The following RPH3AL variants were observed in gnomAD, a reference collection of about 807,000 sequenced individuals.
The protein encoded by RPH3AL is rab effector Noc2.
In RPH3AL, 38 loss-of-function variants were observed where a neutral mutation model predicts 43.1. The ratio of observed to expected loss-of-function variants is 0.88; its 90% CI spans 0.68 to 1.15. The LOEUF (loss-of-function observed/expected upper bound fraction) is 1.15, where lower values mean the gene tolerates loss of function less well. Ranked by LOEUF, RPH3AL falls within the 50% of genes most tolerant of loss-of-function variation. RPH3AL has a pLI of 0.00. For missense variants in RPH3AL, 462 were observed against 423.2 expected (o/e 1.09, Z -0.81); for synonymous variants, 189 against 176.3 (o/e 1.07, Z -0.57).
At chr17:317,866 C>G (rs1475958575) in intron 5 of RPH3AL, among the ~76,000 whole-genome samples, 1 of 152,154 alleles carries the variant, frequency 6.6e-6, no homozygotes, top group Non-Finnish European at 1.5e-5. Flanking sequence ...TTTCTTTTGA[C>G]TTCTCCATCT....
intron 5 of RPH3AL, among the ~76,000 whole-genome samples, chr17:286,507 T>C (rs2042916352): frequency 6.6e-6 from 1 of 152,184 alleles, no homozygotes; most frequent in South Asian, 2.1e-4. Flanking sequence ...AAATAACACA[T>C]AATTGCTGCT....
At chr17:254,547 G>A (rs1217149624) in intron 6 of RPH3AL, among the ~76,000 whole-genome samples, 1 of 8,196 alleles carries the variant, frequency 1.2e-4, no homozygotes, top group Non-Finnish European at 2.0e-4. Flanking sequence ...CCCTAGGAAT[G>A]TGACTACCCA....
At chr17:242,108 C>T (rs1189579920) in intron 7 of RPH3AL, among the ~76,000 whole-genome samples, 1 of 151,960 alleles carries the variant, frequency 6.6e-6, no homozygotes, top group Non-Finnish European at 1.5e-5. Context: ...CAGAGCAAGA[C>T]TGTCTCAATA....
At position 245,240 on chromosome 17, in the gene RPH3AL, G is replaced by T. The variant is rs1005177190; in HGVS notation, c.613+1871C>A. Reference sequence around the variant, plus strand: ...CCATGTGGATGTGTGTGTGCGTGTGGATGAGAGCATGTGTGTGTGCACGTG... The same window carrying T: ...CCATGTGGATGTGTGTGTGCGTGTGTATGAGAGCATGTGTGTGTGCACGTG... On this transcript the variant is annotated intron_variant, in intron 7 of 9. Coordinates refer to ENST00000331302, the MANE Select transcript of RPH3AL (RefSeq NM_006987.4). The surrounding 1 kb of genome is among the most constrained non-coding windows in gnomAD (Gnocchi z 5.9). Among the ~76,000 whole-genome samples, 3 of 146,282 alleles carry T rather than the reference G, an allele frequency of 2.1e-5. No homozygotes were observed. The highest frequency in any genetic ancestry group is 7.6e-5 in the African/African-American group (3 of 39,480).
chr17:318,914 A>T (rs2044380025), intron 5 of RPH3AL, among the ~76,000 whole-genome samples: 1 of 152,264 alleles, frequency 6.6e-6, no homozygotes, highest in Non-Finnish European at 1.5e-5. Context: ...ATAGGATTTA[A>T]CTAATAACAA....
chr17:236,000 C>T (rs2041384010), intron 7 of RPH3AL, among the ~76,000 whole-genome samples: 1 of 151,146 alleles, frequency 6.6e-6, no homozygotes, highest in African/African-American at 2.4e-5. Context: ...AAGACGGGTC[C>T]ATGGGTCAAA....
intron 5 of RPH3AL, among the ~76,000 whole-genome samples, chr17:317,356 C>T (rs1247506902): frequency 1.4e-5 from 2 of 147,776 alleles, no homozygotes; most frequent in African/African-American, 2.5e-5. Context: ...GTCCCTGTGC[C>T]CCCACCTCCA....
rs537220378 is a variant in RPH3AL, at chr17:299,066, G to A, written c.352-17212C>T. Among the ~76,000 whole-genome samples the A allele has an allele frequency of 3.3e-5, 5 of 151,992 alleles. No homozygotes were observed. The South Asian group carries it at 8.3e-4, about 25-fold the overall frequency. The stretch of plus-strand genomic sequence containing the variant: ...AGTAGGGAGCCACTGAAGGCTTCGG[G>A]GGGAGGGAGGGGGACAGTGACCTAA... On this transcript the variant is annotated intron_variant, in intron 5 of 9. Coordinates refer to ENST00000331302, the MANE Select transcript of RPH3AL (RefSeq NM_006987.4).
rs1182089872 is a variant in RPH3AL at position 290,368 on chromosome 17, T to C, written c.352-8514A>G. Among the ~76,000 whole-genome samples the C allele has an allele frequency of 1.3e-5, 2 of 151,130 alleles. No individual in the cohort carries two copies. The highest frequency in any genetic ancestry group is 6.6e-5 in the Admixed American group (1 of 15,204). ...CAGGCTGGCCCGGCCACAGGGGAAA[T>C]GACTCCGGGAATCCTTCACTGAGGG... On this transcript the variant is annotated intron_variant, in intron 5 of 9. Coordinates refer to ENST00000331302, the MANE Select transcript of RPH3AL (RefSeq NM_006987.4). This position sits in a 1 kb window ranked among gnomAD's most constrained non-coding sequence, Gnocchi z 4.2.
At chr17:253,096 C>T (rs999511422) in intron 6 of RPH3AL, among the ~76,000 whole-genome samples, 4 of 152,266 alleles carry the variant, frequency 2.6e-5, no homozygotes, top group East Asian at 1.9e-4. Flanking sequence ...GGACCCTGAT[C>T]GGGGAAGGTT....
intron 5 of RPH3AL, among the ~76,000 whole-genome samples, chr17:313,010 C>T (rs2043681842): frequency 6.6e-6 from 1 of 152,232 alleles, no homozygotes; most frequent in African/African-American, 2.4e-5. Context: ...GGACAGTCCT[C>T]ACTGGCAAGT....
intron 6 of RPH3AL, among the ~76,000 whole-genome samples, chr17:253,470 G>A (rs528017626): frequency 9.9e-5 from 15 of 152,220 alleles, no homozygotes; most frequent in African/African-American, 3.1e-4. Flanking sequence ...ACCGGACCAC[G>A]GTTTTGGCCT....
At position 324,694 on chromosome 17, in the gene RPH3AL, G is replaced by T. The variant is rs72806074; in HGVS notation, c.77+2773C>A. On this transcript the variant is annotated intron_variant, in intron 3 of 9. Transcript: ENST00000331302. Reference sequence around the variant, plus strand: ...TTCTTTCTATCTTTCTATCTATCTAGCTAGCTAGCTATGTACCTATCTATC... The same window carrying T: ...TTCTTTCTATCTTTCTATCTATCTATCTAGCTAGCTATGTACCTATCTATC... Among the ~76,000 whole-genome samples, 690 of 113,838 alleles carry T rather than the reference G, an allele frequency of 6.1e-3. 5 individuals carry two copies. The highest frequency in any genetic ancestry group is 8.8e-3 in the Middle Eastern group (2 of 228). The allele number at this position is 113,838 out of a possible 152,430, so 74.7% of individuals were successfully genotyped here.
chr17:305,762 AG>A, intron 5 of RPH3AL, among the ~76,000 whole-genome samples: 1 of 148,228 alleles, frequency 6.7e-6, no homozygotes, highest in African/African-American at 2.6e-5. Context: ...CACATCACTC[AG>A]TCATCCCTCA....
At chr17:293,133 C>T (rs1296411706) in intron 5 of RPH3AL, among the ~76,000 whole-genome samples, 1 of 152,098 alleles carries the variant, frequency 6.6e-6, no homozygotes. Context: ...GCCTGGGGAC[C>T]ACCTGCGAGC....
chr17:318,934 T>C (rs1240886900), intron 5 of RPH3AL, among the ~76,000 whole-genome samples: 2 of 152,192 alleles, frequency 1.3e-5, no homozygotes, highest in East Asian at 1.9e-4. Flanking sequence ...ACTAAAAACA[T>C]TTTTTCCTTG....
chr17:310,164 C>A (rs1567636820), intron 5 of RPH3AL, among the ~76,000 whole-genome samples: 1 of 152,190 alleles, frequency 6.6e-6, no homozygotes, highest in Non-Finnish European at 1.5e-5. Context: ...AGACTCAAAG[C>A]TGGCTGACTC....
intron 7 of RPH3AL, among the ~76,000 whole-genome samples, chr17:237,582 C>T (rs1344340357): frequency 1.3e-5 from 2 of 152,200 alleles, no homozygotes; most frequent in African/African-American, 4.8e-5. Flanking sequence ...TGGTTCCTCT[C>T]TAAGGGCATG....
intron 7 of RPH3AL, among the ~76,000 whole-genome samples, chr17:237,238 AT>A (rs1156380905): frequency 2.0e-5 from 3 of 152,250 alleles, no homozygotes; most frequent in Non-Finnish European, 2.9e-5. Context: ...ACAGTTTGGA[AT>A]TTGTAAAATC....
Sources: allele counts gnomAD v4.1 joint callset (sites outside exome capture counted in the v4.1 genomes callset), GRCh38; gene constraint gnomAD v4.1.1; non-coding constraint Gnocchi (gnomAD v3.1); transcripts MANE v1.5; gene names NCBI Gene and HGNC (gene_info 2026-07-23, HGNC 2026-07-21).